PCDHA1: variants seen among roughly 807,000 people sequenced by gnomAD.
PCDHA1 encodes protocadherin alpha-1.
PCDHA1 carries 42 observed loss-of-function variants against 61.3 expected under a neutral mutation model. The observed-to-expected ratio is 0.69, with a 90% CI of 0.54 to 0.89. PCDHA1 has a LOEUF of 0.89. PCDHA1 is among the 40% of genes least tolerant of loss of function. The pLI, the probability that PCDHA1 is intolerant of heterozygous loss-of-function variation, is 0.00. For missense variants in PCDHA1, 1,256 were observed against 1,235.3 expected, an observed-to-expected ratio of 1.02 and a Z score of -0.25; for synonymous variants, 610 against 553.8, an observed-to-expected ratio of 1.10 and a Z score of -1.43.
intron 1 of PCDHA1, among the ~76,000 whole-genome samples, chr5:140,886,846 AAG>A (rs1345370045): frequency 2.0e-5 from 3 of 151,444 alleles, no homozygotes; most frequent in Admixed American, 6.6e-5. Context: ...AAAAAAAAAA[AAG>A]AAAGGTCTTC....
chr5:140,807,561 A>T, intron 1 of PCDHA1: 1 of 1,614,180 alleles, frequency 6.2e-7, no homozygotes, highest in Non-Finnish European at 8.5e-7. Context: ...GAGGTGAGGG[A>T]CATTAACGAT....
chr5:140,835,777 A>G (rs2150244519), intron 1 of PCDHA1: 1 of 1,613,276 alleles, frequency 6.2e-7, no homozygotes, highest in Admixed American at 1.7e-5. Context: ...GTGTTCGTGA[A>G]GGAGAACAAC....
intron 1 of PCDHA1, among the ~76,000 whole-genome samples, chr5:140,940,028 G>C (rs782276273): frequency 3.2e-4 from 48 of 152,048 alleles, no homozygotes; most frequent in Non-Finnish European, 5.4e-4. Context: ...ATGTTTTAAG[G>C]CTATTTTATT....
chr5:140,850,166 C>G (rs1248475012), intron 1 of PCDHA1: 1 of 1,594,750 alleles, frequency 6.3e-7, no homozygotes, highest in Non-Finnish European at 8.6e-7. Context: ...TCGTGCTGGA[C>G]GAGAACGACA....
At chr5:140,942,663 A>G (rs2153659608) in intron 1 of PCDHA1, among the ~76,000 whole-genome samples, 1 of 152,294 alleles carries the variant, frequency 6.6e-6, no homozygotes, top group African/African-American at 2.4e-5. Context: ...AAAAGCAATA[A>G]GCACAAAAGT....
chr5:140,817,220 T>C (rs1766092523), intron 1 of PCDHA1: 1 of 152,294 alleles, frequency 6.6e-6, no homozygotes, highest in Admixed American at 6.5e-5. Flanking sequence ...ACTTTCTCTT[T>C]CCCTTCTCAG....
intron 1 of PCDHA1, chr5:140,930,576 T>C (rs1554207933): frequency 1.3e-5 from 2 of 152,582 alleles, no homozygotes; most frequent in Non-Finnish European, 2.9e-5. Flanking sequence ...TCTACGGTAT[T>C]ACTTTTTGAC....
At chr5:140,873,334 C>A (rs1182965928) in intron 1 of PCDHA1, among the ~76,000 whole-genome samples, 1 of 152,156 alleles carries the variant, frequency 6.6e-6, no homozygotes, top group African/African-American at 2.4e-5. Context: ...GCATACATTA[C>A]TCATCTCCAG....
intron 1 of PCDHA1, among the ~76,000 whole-genome samples, chr5:140,818,671 T>C (rs1766414418): frequency 1.3e-5 from 2 of 152,212 alleles, no homozygotes; most frequent in East Asian, 1.9e-4. Context: ...ACTCCATCTT[T>C]ACAAAAAATG....
At chr5:141,006,007 T>C (rs1554260471) in intron 3 of PCDHA1, among the ~76,000 whole-genome samples, 1 of 151,298 alleles carries the variant, frequency 6.6e-6, no homozygotes, top group African/African-American at 2.4e-5. Flanking sequence ...AGAAGGCCTG[T>C]ATGGTTGGAG....
rs2150312229 is a variant in PCDHA1 at position 140,841,232 on chromosome 5, T to C, written c.2394+52548T>C. 327 of 1,468,172 alleles carry C rather than the reference T, an allele frequency of 2.2e-4. 4 individuals are homozygous for C. Among genetic ancestry groups the C allele is most frequent in the Non-Finnish European group, 2.9e-4 (317 of 1,091,800 alleles). 90.9% of individuals were successfully genotyped at this position (1,468,172 alleles called of 1,614,324 possible). Reference sequence around the variant, plus strand: ...TCTCTAAAGGCCGAACAACGGGAGATGCAGCGGAATTGGATTAAAAGACTC... The same window carrying C: ...TCTCTAAAGGCCGAACAACGGGAGACGCAGCGGAATTGGATTAAAAGACTC... On this transcript the variant is annotated intron_variant, in intron 1 of 3. Coordinates refer to ENST00000504120, the MANE Select transcript of PCDHA1 (RefSeq NM_018900.4).
intron 1 of PCDHA1, chr5:140,869,684 T>A: frequency 6.2e-7 from 1 of 1,613,486 alleles, no homozygotes; most frequent in Non-Finnish European, 8.5e-7. Context: ...AGACTGTCAC[T>A]TATTTTAAAG....
At chr5:140,892,120 A>G (rs1242162429) in intron 1 of PCDHA1, among the ~76,000 whole-genome samples, 1 of 152,216 alleles carries the variant, frequency 6.6e-6, no homozygotes, top group Non-Finnish European at 1.5e-5. Context: ...TATATCTGGA[A>G]CACAATAAGC....
At chr5:140,897,467 C>T (rs1427386129) in intron 1 of PCDHA1, among the ~76,000 whole-genome samples, 11 of 151,912 alleles carry the variant, frequency 7.2e-5, no homozygotes, top group Non-Finnish European at 7.4e-5. Flanking sequence ...CGATAGTTTA[C>T]TGAGAATGAT....
chr5:140,985,498 C>G (rs540282855), intron 3 of PCDHA1, among the ~76,000 whole-genome samples: 2 of 152,274 alleles, frequency 1.3e-5, no homozygotes, highest in African/African-American at 4.8e-5. Flanking sequence ...ATAGAGCCTG[C>G]CTTTCATTGA....
rs782242128 is a variant in PCDHA1 at position 140,928,580 on chromosome 5, GT to G, written c.2395-50367del. 100 of 1,614,112 alleles carry G rather than the reference GT, an allele frequency of 6.2e-5. 1 individual carries two copies. The East Asian group carries it at 2.2e-3, about 36-fold the overall frequency. ...ATCTTGTTTCCCTTGCCCAGAAATG[GT>G]TCTGTCCCAGTGGAAATTGTGCCCC... On this transcript the variant is annotated intron_variant, in intron 1 of 3. Transcript: ENST00000504120.
intron 1 of PCDHA1, among the ~76,000 whole-genome samples, chr5:140,970,397 T>C (rs2096402198): frequency 6.6e-6 from 1 of 152,218 alleles, no homozygotes; most frequent in Non-Finnish European, 1.5e-5. Flanking sequence ...GGAAAGTGGA[T>C]GGCTTACCCT....
At chr5:140,815,769 A>G (rs990997775) in intron 1 of PCDHA1, 1 of 152,144 alleles carries the variant, frequency 6.6e-6, no homozygotes, top group African/African-American at 2.4e-5. Context: ...AGGCAAGTCT[A>G]ATTGTGATCA....
chr5:140,877,096 G>C (rs1554169320), intron 1 of PCDHA1: 1 of 1,613,378 alleles, frequency 6.2e-7, no homozygotes, highest in Non-Finnish European at 8.5e-7. Flanking sequence ...CGACGCCGGC[G>C]TGCCGCCTCT....
Sources: allele counts gnomAD v4.1 joint callset (sites outside exome capture counted in the v4.1 genomes callset), GRCh38; gene constraint gnomAD v4.1.1; transcripts MANE v1.5; gene names NCBI Gene and HGNC (gene_info 2026-07-23, HGNC 2026-07-21).